Variants in SERPINF2 observed in about 807,000 individuals in gnomAD.
SERPINF2 encodes serpin family F member 2.
In SERPINF2, 15 loss-of-function variants were observed where a neutral mutation model predicts 45.0. That is an observed-to-expected ratio of 0.33 (90% CI 0.22 to 0.51). The LOEUF (loss-of-function observed/expected upper bound fraction) is 0.51, where lower values mean the gene tolerates loss of function less well. Ranked by LOEUF, SERPINF2 falls within the 20% of genes least tolerant of loss-of-function variation. The pLI, the probability that SERPINF2 is intolerant of heterozygous loss-of-function variation, is 0.97. For synonymous variants in SERPINF2, 283 were observed against 277.9 expected (o/e 1.02, Z -0.18); for missense variants, 518 against 637.4 (o/e 0.81, Z 2.02).
chr17:1,754,182 T>C lies in SERPINF2; in HGVS notation c.1124T>C (p.Val375Ala). ...LRGISEQSLV[V>A]SGVQHQSTLE... The stretch of plus-strand genomic sequence containing the variant: ...GGGATCTCCGAGCAGAGCCTGGTGG[T>C]GTCCGGCGTGCAGCATCAGTCCACC... Residue 375 changes from valine (V) to alanine (A), a missense_variant, in exon 10 of 10, where the codon GTG (valine) becomes GCG (alanine). Val to Ala is a moderately conservative substitution (Grantham distance 64). Around this residue, in one of 2 missense-constraint regions of SERPINF2, gnomAD observed 435 missense variants for 577.3 expected, o/e 0.75. Coordinates refer to ENST00000453066, the MANE Select transcript of SERPINF2 (RefSeq NM_000934.4). 1.2e-6 allele frequency: 2 copies of C among 1,612,328 alleles called. No homozygotes were observed. Among genetic ancestry groups the C allele is most frequent in the Non-Finnish European group, 1.7e-6 (2 of 1,180,022 alleles).
intron 9 of SERPINF2, among the ~76,000 whole-genome samples, chr17:1,753,342 T>C (rs1400726993): frequency 6.6e-6 from 1 of 152,176 alleles, no homozygotes; most frequent in African/African-American, 2.4e-5. Flanking sequence ...TGAGCCATAA[T>C]TGTGCCACTG....
chr17:1,753,555 G>T (rs981037285), intron 9 of SERPINF2, among the ~76,000 whole-genome samples: 7 of 152,128 alleles, frequency 4.6e-5, no homozygotes, highest in African/African-American at 1.7e-4. Flanking sequence ...GCGTGGTGGC[G>T]CATGCCCATA....
chr17:1,748,451 C>A, intron 7 of SERPINF2, 147 bp from the exon 8 acceptor site: 5 of 994,942 alleles, frequency 5.0e-6, no homozygotes, highest in Non-Finnish European at 7.9e-6. Flanking sequence ...TGGCCTCCAC[C>A]GCTGTCTCAT....
chr17:1,749,418 C>A (rs963901108), intron 8 of SERPINF2, among the ~76,000 whole-genome samples: 2 of 151,988 alleles, frequency 1.3e-5, no homozygotes, highest in African/African-American at 2.4e-5. Context: ...ACCAACATAG[C>A]AAAGCCCCGT....
chr17:1,748,799 A>G, intron 8 of SERPINF2, 59 bp downstream of exon 8: 1 of 914,034 alleles, frequency 1.1e-6, no homozygotes, highest in Non-Finnish European at 1.8e-6. Context: ...AAGGGAGTGG[A>G]CAGGCTGTGG....
chr17:1,749,317 C>T (rs910840564), intron 8 of SERPINF2, among the ~76,000 whole-genome samples: 2 of 152,128 alleles, frequency 1.3e-5, no homozygotes, highest in Non-Finnish European at 2.9e-5. Context: ...CCCAGCTACT[C>T]CAGAGGCTGA....
At position 1,752,751 on chromosome 17, in the gene SERPINF2, A is replaced by C. The variant is rs1480237743; in HGVS notation, c.1024A>C (p.Lys342Gln). Residue 342 changes from lysine to glutamine, a missense_variant, in exon 9 of 10, where the codon AAA (lysine) becomes CAA (glutamine). Transcript: ENST00000453066. ...GGTCCGGCTGCCTAAGCTGTATCTGAAACACCAAATGGACCTGGTGGCCAC... is the reference window on the plus strand; with the variant it reads ...GGTCCGGCTGCCTAAGCTGTATCTGCAACACCAAATGGACCTGGTGGCCAC... ...TKVRLPKLYL[K>Q]HQMDLVATLS... 1 of 1,613,826 alleles carries C rather than the reference A, an allele frequency of 6.2e-7. No homozygotes were observed. The highest frequency in any genetic ancestry group is 8.5e-7 in the Non-Finnish European group (1 of 1,179,962).
Position 1,754,605 on chromosome 17 carries a change from G to T in SERPINF2, c.*71G>T, listed in dbSNP as rs1057355. 0.47 allele frequency: 724,948 copies of T among 1,554,712 alleles called. 170,277 individuals are homozygous for T. Among genetic ancestry groups the T allele is most frequent in the South Asian group, 0.53 (45,096 of 84,604 alleles). ...TCCACTCATGTGACTCTTTCCAACCGGCTTTGTGGCACTGGGGCAGGGGCC... is the reference window on the plus strand; with the variant it reads ...TCCACTCATGTGACTCTTTCCAACCTGCTTTGTGGCACTGGGGCAGGGGCC... On this transcript the variant is annotated 3_prime_UTR_variant, in exon 10 of 10. Coordinates refer to ENST00000453066, the MANE Select transcript of SERPINF2 (RefSeq NM_000934.4).
chr17:1,754,607 C>A lies in SERPINF2; in HGVS notation c.*73C>A, dbSNP rs1432550156. On this transcript the variant is annotated 3_prime_UTR_variant, in exon 10 of 10. Transcript: ENST00000453066. ...CACTCATGTGACTCTTTCCAACCGGCTTTGTGGCACTGGGGCAGGGGCCGG... is the reference window on the plus strand; with the variant it reads ...CACTCATGTGACTCTTTCCAACCGGATTTGTGGCACTGGGGCAGGGGCCGG... 3.4e-6 allele frequency: 5 copies of A among 1,480,208 alleles called. No individual in the cohort carries two copies. Among genetic ancestry groups the A allele is most frequent in the Non-Finnish European group, 3.6e-6 (4 of 1,113,092 alleles). The allele number at this position is 1,480,208 out of a possible 1,614,324, so 91.7% of individuals were successfully genotyped here. A position where few individuals can be genotyped will look rare whatever the true frequency, so the allele number is the denominator to read the frequency against.
At position 1,755,016 on chromosome 17, in the gene SERPINF2, C is replaced by A; in HGVS notation, c.*482C>A. Reference sequence around the variant, plus strand: ...CGCGTGGAACTCGTGTCTGGCACAGCCTGGCTGTGGCCTAACCTGCCGAGA... The same window carrying A: ...CGCGTGGAACTCGTGTCTGGCACAGACTGGCTGTGGCCTAACCTGCCGAGA... On this transcript the variant is annotated 3_prime_UTR_variant, in exon 10 of 10. Transcript: ENST00000453066. The surrounding 1 kb of genome is among the most constrained non-coding windows in gnomAD (Gnocchi z 4.2). 1 of 178,258 alleles carries A rather than the reference C, an allele frequency of 5.6e-6. No individual in the cohort carries two copies. Among genetic ancestry groups the A allele is most frequent in the Non-Finnish European group, 1.2e-5 (1 of 84,864 alleles). The allele number at this position is 178,258 out of a possible 1,614,324, so 11.0% of individuals were successfully genotyped here. A position where few individuals can be genotyped will look rare whatever the true frequency, so the allele number is the denominator to read the frequency against.
intron 8 of SERPINF2, among the ~76,000 whole-genome samples, chr17:1,749,865 C>T (rs1485688983): frequency 6.6e-6 from 1 of 152,208 alleles, no homozygotes; most frequent in East Asian, 1.9e-4. Context: ...TCTCTGCAGC[C>T]CCCAGCCTGG....
Position 1,745,712 on chromosome 17 carries a change from C to G in SERPINF2, c.170C>G (p.Pro57Arg), listed in dbSNP as rs754584637. The change falls in exon 5 of 10, where the codon CCT becomes CGT. Residue 57 changes from proline to arginine, a missense_variant. Around this residue, in one of 2 missense-constraint regions of SERPINF2, gnomAD observed 435 missense variants for 577.3 expected, o/e 0.75. Coordinates refer to ENST00000453066, the MANE Select transcript of SERPINF2 (RefSeq NM_000934.4). This position sits in a 1 kb window ranked among gnomAD's most constrained non-coding sequence, Gnocchi z 6.2. ...ACCCCTGATCTGTCCCTGCAGGAGC[C>G]TGGTGGCCAGACTGCCCTGAAGAGT... Reference protein sequence around the residue: ...LTLLKLGNQEPGGQTALKSPP... With the variant: ...LTLLKLGNQERGGQTALKSPP... The G allele has an allele frequency of 6.2e-7, 1 of 1,613,516 alleles. No homozygotes were observed.
chr17:1,746,915 G>A, intron 5 of SERPINF2, 104 bp from the exon 6 acceptor site: 1 of 1,429,894 alleles, frequency 7.0e-7, no homozygotes, highest in Non-Finnish European at 9.4e-7. Context: ...ATGGCGTGTG[G>A]TCCCGTGGAC....
chr17:1,752,941 G>A lies in SERPINF2; in HGVS notation c.1063+151G>A, dbSNP rs909423482. ...GGAGCGGGGAGAGGGTTGAATATGA[G>A]CCCCCAGACCCTCTGTCCTAGAGGA... On this transcript the variant is annotated intron_variant, in intron 9 of 9. Coordinates refer to ENST00000453066, the MANE Select transcript of SERPINF2 (RefSeq NM_000934.4). 4.2e-5 allele frequency: 30 copies of A among 706,988 alleles called. No individual in the cohort carries two copies. The African/African-American group carries it at 5.2e-4, about 12-fold the overall frequency. The allele number at this position is 706,988 out of a possible 1,614,324, so 43.8% of individuals were successfully genotyped here.
chr17:1,744,341 G>C (rs1905591945), intron 1 of SERPINF2, among the ~76,000 whole-genome samples: 1 of 151,852 alleles, frequency 6.6e-6, no homozygotes, highest in Admixed American at 6.6e-5. Flanking sequence ...AAGAAATACA[G>C]AATTAGCCAG....
Position 1,747,527 on chromosome 17 carries a change from C to T in SERPINF2, c.715+15C>T, listed in dbSNP as rs745429351. On this transcript the variant is annotated intron_variant, in intron 7 of 9. Coordinates refer to ENST00000453066, the MANE Select transcript of SERPINF2 (RefSeq NM_000934.4). ...CCACTTCCAGGGTGCGCTCCTCCTCCTCTCAGATCCCCCACCCTGTAGGCT... is the reference window on the plus strand; with the variant it reads ...CCACTTCCAGGGTGCGCTCCTCCTCTTCTCAGATCCCCCACCCTGTAGGCT... The T allele has an allele frequency of 1.9e-6, 3 of 1,611,898 alleles. No homozygotes were observed. Among genetic ancestry groups the T allele is most frequent in the East Asian group, 2.2e-5 (1 of 44,798 alleles).
chr17:1,748,555 C>T (rs767953354), intron 7 of SERPINF2, 43 bp from the exon 8 acceptor site: 2 of 1,607,064 alleles, frequency 1.2e-6, no homozygotes, highest in East Asian at 4.5e-5. Context: ...CTGCCCCAAG[C>T]TGGTCCCCGT....
rs750032003 is a variant in SERPINF2 at position 1,748,656 on chromosome 17, C to T, written c.774C>T (p.Asp258=). The change falls in exon 8 of 10, where the codon GAC becomes GAT. Residue 258 remains aspartate (D), a synonymous_variant. Transcript: ENST00000453066. ...CCCAGAGAGACTCCTTCCACCTGGA[C>T]GAGCAGTTCACGGTGCCCGTGGAAA... ...SLTQRDSFHL[D]EQFTVPVEMM... is the part of the protein sequence containing the mutation. 1.8e-5 allele frequency: 29 copies of T among 1,613,596 alleles called. No homozygotes were observed. In the East Asian group the frequency reaches 2.5e-4, roughly 14 times the overall value.
At chr17:1,744,798 C>G in intron 1 of SERPINF2, 194 bp from the exon 2 acceptor site, 1 of 985,424 alleles carries the variant, frequency 1.0e-6, no homozygotes, top group Non-Finnish European at 1.2e-6. Flanking sequence ...GGGGGAGAAG[C>G]CAGGGCGGAT....
Sources: gnomAD v4.1 joint callset for allele counts (sites outside exome capture counted in the v4.1 genomes callset) on GRCh38, gnomAD v4.1.1 for gene constraint, gnomAD v4.1.1 regional missense constraint, Gnocchi (gnomAD v3.1) non-coding constraint, MANE v1.5 for transcripts, NCBI Gene and HGNC (gene_info 2026-07-23, HGNC 2026-07-21) for gene names.